Variants in TACR2 observed in about 807,000 individuals in gnomAD.
TACR2 encodes the protein tachykinin receptor 2.
A neutral mutation model predicts 28.9 loss-of-function variants in TACR2; 24 were observed. The ratio of observed to expected loss-of-function variants is 0.83; its 90% CI spans 0.60 to 1.17. TACR2 has a LOEUF of 1.17. Ranked by LOEUF, TACR2 falls within the 50% of genes most tolerant of loss-of-function variation. The probability of loss-of-function intolerance (pLI) is 0.00; values close to 1 mark genes in which losing one functional copy is unlikely to be tolerated. For synonymous variants in TACR2, 222 were observed against 212.6 expected, an observed-to-expected ratio of 1.04 and a Z score of -0.38; for missense variants, 487 against 524.4, an observed-to-expected ratio of 0.93 and a Z score of 0.70.
chr10:69,411,616 T>G (rs1840570216), intron 2 of TACR2, among the ~76,000 whole-genome samples: 1 of 152,152 alleles, frequency 6.6e-6, no homozygotes, highest in Admixed American at 6.5e-5. Context: ...TTGCAGAGCC[T>G]GCACTCAGTG....
Position 69,416,734 on chromosome 10 carries a change from G to T in TACR2, c.-411C>A, listed in dbSNP as rs201114476. The stretch of plus-strand genomic sequence containing the variant: ...GTGACAAGTTAGGACTCGAACCCAG[G>T]TTTCTCGTCACGTAATTCAGGAAAC... On this transcript the variant is annotated 5_prime_UTR_variant, in exon 1 of 5. Transcript: ENST00000373306. 1.0e-3 allele frequency: 169 copies of T among 165,154 alleles called. No homozygotes were observed. The highest frequency in any genetic ancestry group is 3.8e-3 in the African/African-American group (159 of 41,944). The allele number at this position is 165,154 out of a possible 1,614,324, so 10.2% of individuals were successfully genotyped here. A position where few individuals can be genotyped will look rare whatever the true frequency, so the allele number is the denominator to read the frequency against.
chr10:69,416,627 A>C lies in TACR2; in HGVS notation c.-304T>G. On this transcript the variant is annotated 5_prime_UTR_variant, in exon 1 of 5. Coordinates refer to ENST00000373306, the MANE Select transcript of TACR2 (RefSeq NM_001057.3). Reference sequence around the variant, plus strand: ...CAGTGTCAGAGCAGAAAACACCCTTATAAATCAACCCCTTCGCTGAAGAGA... The same window carrying C: ...CAGTGTCAGAGCAGAAAACACCCTTCTAAATCAACCCCTTCGCTGAAGAGA... 1 of 306,062 alleles carries C rather than the reference A, an allele frequency of 3.3e-6. No individual in the cohort carries two copies. 19.0% of individuals were successfully genotyped at this position (306,062 alleles called of 1,614,324 possible).
chr10:69,404,030 C>T lies in TACR2; in HGVS notation c.*796G>A, dbSNP rs1214320315. 1 of 152,196 alleles carries T rather than the reference C, an allele frequency of 6.6e-6. No homozygotes were observed. Among genetic ancestry groups the T allele is most frequent in the Non-Finnish European group, 1.5e-5 (1 of 68,052 alleles). 9.4% of individuals were successfully genotyped at this position (152,196 alleles called of 1,614,324 possible). A position where few individuals can be genotyped will look rare whatever the true frequency, so the allele number is the denominator to read the frequency against. ...TTCTTGTCCCCTTTGAATGCCTGTC[C>T]TCTCCAGGTTGCCATGGCCCCCACC... is the stretch of plus-strand genomic sequence containing the variant. On this transcript the variant is annotated 3_prime_UTR_variant, in exon 5 of 5. Transcript: ENST00000373306.
Position 69,415,138 on chromosome 10 carries a change from A to G in TACR2, c.394T>C (p.Tyr132His). Reference protein sequence around the residue: ...YSMTAIAADRYMAIVHPFQPR... With the variant: ...YSMTAIAADRHMAIVHPFQPR... ...TGGAAGGGGTGGACGATGGCCATGT[A>G]CCTGTGAGCAGAGGGCAGCTTGAGC... The change falls in exon 2 of 5, where the codon TAC becomes CAC. Residue 132 changes from tyrosine (Y) to histidine (H), a missense_variant and splice_region_variant. By Grantham distance (83) the Tyr-to-His change is moderately conservative (BLOSUM62 2). Coordinates refer to ENST00000373306, the MANE Select transcript of TACR2 (RefSeq NM_001057.3). 6.2e-7 allele frequency: 1 copy of G among 1,609,286 alleles called. No homozygotes were observed. Among genetic ancestry groups the G allele is most frequent in the Non-Finnish European group, 8.5e-7 (1 of 1,177,956 alleles).
chr10:69,411,590 C>T lies in TACR2; in HGVS notation c.588-2515G>A, dbSNP rs557749355. The stretch of plus-strand genomic sequence containing the variant: ...ACATCACTATTGTAAAACCTAAGAT[C>T]AGTGCTTGAGATGTTTTGCAGAGCC... On this transcript the variant is annotated intron_variant, in intron 2 of 4. Transcript: ENST00000373306. 3.3e-5 allele frequency among the ~76,000 whole-genome samples: 5 copies of T among 152,222 alleles called. No individual in the cohort carries two copies. The East Asian group carries it at 9.6e-4, about 29-fold the overall frequency.
chr10:69,410,032 A>G (rs1418222897), intron 2 of TACR2, among the ~76,000 whole-genome samples: 1 of 151,128 alleles, frequency 6.6e-6, no homozygotes, highest in Non-Finnish European at 1.5e-5. Context: ...GACAGTGGAA[A>G]AGCGCCATAT....
At chr10:69,405,165 T>C in intron 4 of TACR2, 81 bp from the exon 5 acceptor site, 6 of 1,196,796 alleles carry the variant, frequency 5.0e-6, no homozygotes, top group Non-Finnish European at 5.9e-6. Context: ...CCCAGGAAAC[T>C]GACTCCCTTC....
At chr10:69,409,581 A>G (rs1435502161) in intron 2 of TACR2, among the ~76,000 whole-genome samples, 1 of 151,996 alleles carries the variant, frequency 6.6e-6, no homozygotes, top group African/African-American at 2.4e-5. Context: ...ATAGGGGAGG[A>G]GAGTACAACA....
rs952786942 is a variant in TACR2 at position 69,403,903 on chromosome 10, C to T, written c.*923G>A. On this transcript the variant is annotated 3_prime_UTR_variant, in exon 5 of 5. Coordinates refer to ENST00000373306, the MANE Select transcript of TACR2 (RefSeq NM_001057.3). Reference sequence around the variant, plus strand: ...TCAAATTCAACAAATCTGGAAGACTCACATACAAATGTGGATTTATAGCTT... The same window carrying T: ...TCAAATTCAACAAATCTGGAAGACTTACATACAAATGTGGATTTATAGCTT... 2.0e-5 allele frequency: 3 copies of T among 152,214 alleles called. No individual in the cohort carries two copies. The highest frequency in any genetic ancestry group is 2.1e-4 in the South Asian group (1 of 4,832). The allele number at this position is 152,214 out of a possible 1,614,324, so 9.4% of individuals were successfully genotyped here.
At position 69,409,037 on chromosome 10, in the gene TACR2, G is replaced by A. The variant is rs767150374; in HGVS notation, c.626C>T (p.Pro209Leu). 3.1e-6 allele frequency: 5 copies of A among 1,606,914 alleles called. No individual in the cohort carries two copies. Among genetic ancestry groups the A allele is most frequent in the Non-Finnish European group, 4.2e-6 (5 of 1,178,196 alleles). Residue 209 changes from proline (P) to leucine (L), a missense_variant, in exon 3 of 5, where the codon CCG (proline) becomes CTG (leucine). Pro to Leu is a moderately conservative substitution (Grantham distance 98, BLOSUM62 -3). Coordinates refer to ENST00000373306, the MANE Select transcript of TACR2 (RefSeq NM_001057.3). ...LVVIALIYFL[P>L]LAVMFVAYSV... The stretch of plus-strand genomic sequence containing the variant: ...GTAGGCTACAAACATCACCGCGAGC[G>A]GCAGGAAGTAGATGAGGGCGATCAC...
chr10:69,415,466 T>A (rs1299323609), intron 1 of TACR2, among the ~76,000 whole-genome samples: 1 of 152,174 alleles, frequency 6.6e-6, no homozygotes, highest in Non-Finnish European at 1.5e-5. Context: ...AACATTAGCC[T>A]GAAGCTCAGC....
chr10:69,404,900 G>C lies in TACR2; in HGVS notation c.1123C>G (p.Arg375Gly). The change falls in exon 5 of 5, where the codon CGT becomes GGT. Residue 375 changes from arginine (R) to glycine (G), a missense_variant. Physicochemically the swap from Arg to Gly is moderately radical, Grantham distance 125. Transcript: ENST00000373306. ...PSEATSGEAG[R>G]PQDGSGLWFG... ...CATAGCCCTGATCCATCCTGGGGAC[G>C]CCCCGCCTCCCCACTGGTAGCCTCG... 1 of 1,613,730 alleles carries C rather than the reference G, an allele frequency of 6.2e-7. No individual in the cohort carries two copies. The highest frequency in any genetic ancestry group is 8.5e-7 in the Non-Finnish European group (1 of 1,179,750).
intron 3 of TACR2, 96 bp downstream of exon 3, chr10:69,408,826 C>CG (rs1840530792): frequency 2.5e-5 from 3 of 119,124 alleles, no homozygotes; most frequent in African/African-American, 9.9e-5. Flanking sequence ...ACCCCCGTCC[C>CG]ACCCCGTCCG....
At chr10:69,412,699 C>A (rs944769423) in intron 2 of TACR2, among the ~76,000 whole-genome samples, 3 of 152,172 alleles carry the variant, frequency 2.0e-5, no homozygotes, top group African/African-American at 7.2e-5. Context: ...AAGGAGGAGG[C>A]CATCTCTAAG....
rs1390944288 is a variant in TACR2 at position 69,409,890 on chromosome 10, C to CATATATATATATATATACATATATACAT, written c.588-816_588-815insATGTATATATGTATATATATATATATAT. ...GTATATATATATATATACATATATA[C>CATATATATATATATATACATATATACAT]ATATATATATATACATATATATATA... On this transcript the variant is annotated intron_variant, in intron 2 of 4. Transcript: ENST00000373306. Among the ~76,000 whole-genome samples, 44 of 35,342 alleles carry CATATATATATATATATACATATATACAT rather than the reference C, an allele frequency of 1.2e-3. 2 individuals carry two copies. In the East Asian group the frequency reaches 0.022, roughly 18 times the overall value. The allele number at this position is 35,342 out of a possible 152,430, so 23.2% of individuals were successfully genotyped here.
intron 2 of TACR2, among the ~76,000 whole-genome samples, chr10:69,411,041 A>G (rs1275032471): frequency 6.6e-6 from 1 of 152,118 alleles, no homozygotes; most frequent in Non-Finnish European, 1.5e-5. Flanking sequence ...CTCCTTTGGC[A>G]TTTGGGGGTC....
Position 69,408,307 on chromosome 10 carries a change from A to G in TACR2, c.741+615T>C, listed in dbSNP as rs143013668. Among the ~76,000 whole-genome samples the G allele has an allele frequency of 3.2e-3, 492 of 152,250 alleles. 3 individuals carry two copies. Among genetic ancestry groups the G allele is most frequent in the Non-Finnish European group, 5.8e-3 (396 of 68,012 alleles). Reference sequence around the variant, plus strand: ...CTCCTGTGACTGTCAGGCACCTTCTATAGTTCTGTGGGGCTTCTCAATTTC... The same window carrying G: ...CTCCTGTGACTGTCAGGCACCTTCTGTAGTTCTGTGGGGCTTCTCAATTTC... On this transcript the variant is annotated intron_variant, in intron 3 of 4. Transcript: ENST00000373306.
In TACR2 at chr10:69,407,291, A is replaced by G. The variant is rs7097827; in HGVS notation, c.742-11T>C. On this transcript the variant is annotated splice_polypyrimidine_tract_variant and intron_variant, in intron 3 of 4. Transcript: ENST00000373306. The stretch of plus-strand genomic sequence containing the variant: ...CATGGTCTTCACAAACTGGTCCAGG[A>G]GAGGCTCAAGTTACTTCTTAGTGCC... The G allele has an allele frequency of 0.015, 24,328 of 1,603,130 alleles. 1,568 individuals carry two copies. In the African/African-American group the frequency reaches 0.19, roughly 13 times the overall value.
Position 69,405,124 on chromosome 10 carries a change from G to T in TACR2, c.939-40C>A, listed in dbSNP as rs201150240. On this transcript the variant is annotated intron_variant, in intron 4 of 4. Coordinates refer to ENST00000373306, the MANE Select transcript of TACR2 (RefSeq NM_001057.3). ...GGCACCTTGAGCCAGGGAGTTAGGG[G>T]CTCAGGAGCTGTGATGTGACTGCCC... 3.1e-5 allele frequency: 49 copies of T among 1,563,540 alleles called. No individual in the cohort carries two copies. In the Middle Eastern group the frequency reaches 5.3e-4, roughly 17 times the overall value.
Sources: gnomAD v4.1 joint callset for allele counts (sites outside exome capture counted in the v4.1 genomes callset) on GRCh38, gnomAD v4.1.1 for gene constraint, MANE v1.5 for transcripts, NCBI Gene and HGNC (gene_info 2026-07-23, HGNC 2026-07-21) for gene names.